ARHGAP22: variants seen among roughly 807,000 people sequenced by gnomAD.
ARHGAP22 encodes the protein Rho GTPase activating protein 22.
In ARHGAP22, 48 loss-of-function variants were observed where a neutral mutation model predicts 59.1. The ratio of observed to expected loss-of-function variants is 0.81; its 90% CI spans 0.64 to 1.03. The LOEUF is 1.03. ARHGAP22 is among the 50% of genes least tolerant of loss of function. ARHGAP22 has a pLI of 0.00. For synonymous variants in ARHGAP22, 445 were observed against 416.4 expected (o/e 1.07, Z -0.84); for missense variants, 1,015 against 958.7 (o/e 1.06, Z -0.78).
chr10:48,586,110 T>C (rs1034562197), intron 1 of ARHGAP22, among the ~76,000 whole-genome samples: 1 of 152,208 alleles, frequency 6.6e-6, no homozygotes, highest in Non-Finnish European at 1.5e-5. Context: ...TTTATATCTA[T>C]GGCTGGTTAT....
chr10:48,493,602 C>A, intron 3 of ARHGAP22: 1 of 1,474,524 alleles, frequency 6.8e-7, no homozygotes, highest in Admixed American at 2.2e-5. Flanking sequence ...GCTGCGGCCA[C>A]TCGGCTGCCT....
intron 3 of ARHGAP22, among the ~76,000 whole-genome samples, chr10:48,548,638 T>C (rs2056658015): frequency 6.6e-6 from 1 of 152,194 alleles, no homozygotes. Context: ...CCGCTCCTTG[T>C]GGATTTAAAG....
upstream of ARHGAP22, among the ~76,000 whole-genome samples, chr10:48,606,757 C>A (rs2060692857): frequency 6.6e-6 from 1 of 152,196 alleles, no homozygotes; most frequent in African/African-American, 2.4e-5. Context: ...GCCTTGTCCT[C>A]TTTGGGCAAT....
At chr10:48,465,003 G>A (rs2047509761) in intron 4 of ARHGAP22, among the ~76,000 whole-genome samples, 1 of 152,102 alleles carries the variant, frequency 6.6e-6, no homozygotes, top group Non-Finnish European at 1.5e-5. Context: ...CCCTGTGCTG[G>A]GGCTTCTGGG....
chr10:48,432,805 G>A, the ARHGAP22 span, among the ~76,000 whole-genome samples: 1 of 152,188 alleles, frequency 6.6e-6, no homozygotes, highest in African/African-American at 2.4e-5. Flanking sequence ...AAATAAGTCA[G>A]TGAAAAAGAT....
intron 1 of ARHGAP22, among the ~76,000 whole-genome samples, chr10:48,617,498 A>G (rs1333431774): frequency 2.0e-5 from 3 of 152,070 alleles, no homozygotes; most frequent in Non-Finnish European, 4.4e-5. Context: ...AATTATTTCA[A>G]GTATCTTTTC....
intron 3 of ARHGAP22, among the ~76,000 whole-genome samples, chr10:48,517,632 G>A (rs11101361): frequency 0.19 from 28,679 of 151,986 alleles, 2,918 homozygotes; most frequent in Non-Finnish European, 0.24. Flanking sequence ...AGCCATGAGA[G>A]CCAACCCCCT....
chr10:48,523,025 T>C (rs1045960323), intron 3 of ARHGAP22, among the ~76,000 whole-genome samples: 3 of 152,274 alleles, frequency 2.0e-5, no homozygotes, highest in African/African-American at 7.2e-5. Context: ...TGTACATTGA[T>C]GGCACCATTC....
intron 5 of ARHGAP22, among the ~76,000 whole-genome samples, chr10:48,457,049 A>C (rs1001654500): frequency 3.3e-5 from 5 of 152,042 alleles, no homozygotes; most frequent in African/African-American, 1.2e-4. Context: ...CAGAAAGGGC[A>C]GCAGCTGGTC....
the ARHGAP22 span, among the ~76,000 whole-genome samples, chr10:48,432,719 G>GT: frequency 6.6e-6 from 1 of 152,176 alleles, no homozygotes. Context: ...AATTTCATGA[G>GT]TTAGAGCATT....
At chr10:48,615,778 G>A (rs1408494152) in intron 1 of ARHGAP22, among the ~76,000 whole-genome samples, 1 of 152,078 alleles carries the variant, frequency 6.6e-6, no homozygotes, top group Non-Finnish European at 1.5e-5. Context: ...ATCAAGTACT[G>A]AACTTCGATA....
chr10:48,518,073 G>A (rs962985791), intron 3 of ARHGAP22, among the ~76,000 whole-genome samples: 1 of 152,138 alleles, frequency 6.6e-6, no homozygotes, highest in East Asian at 1.9e-4. Flanking sequence ...AACCCCCAGG[G>A]CTGCTGTGCA....
intron 1 of ARHGAP22, among the ~76,000 whole-genome samples, chr10:48,649,025 C>A (rs927911640): frequency 2.0e-5 from 3 of 152,116 alleles, no homozygotes; most frequent in African/African-American, 7.2e-5. Flanking sequence ...TTGCAAAGAT[C>A]CAGGTGAGAG....
At chr10:48,455,678 C>G (rs940277868) in intron 5 of ARHGAP22, among the ~76,000 whole-genome samples, 5 of 152,230 alleles carry the variant, frequency 3.3e-5, no homozygotes, top group Admixed American at 6.5e-5. Context: ...GCGGTAGGAA[C>G]AGCTATCCTG....
At chr10:48,518,203 C>A (rs4838611) in intron 3 of ARHGAP22, among the ~76,000 whole-genome samples, 34,828 of 151,988 alleles carry the variant, frequency 0.23, 4,104 homozygotes, top group South Asian at 0.33. Context: ...TCGACCACAT[C>A]CCAGCATGTG....
At chr10:48,656,137 C>T (rs578067619), upstream of ARHGAP22, 1 of 152,312 alleles carries the variant, frequency 6.6e-6, no homozygotes, top group Non-Finnish European at 1.5e-5. Context: ...CTCCTTTAGC[C>T]CCGCAGGCTC....
intron 1 of ARHGAP22, among the ~76,000 whole-genome samples, chr10:48,620,514 A>G (rs1399494466): frequency 2.0e-5 from 3 of 152,306 alleles, no homozygotes; most frequent in Admixed American, 6.5e-5. Context: ...TCAACTGGCC[A>G]TGGAAATCAT....
At position 48,572,480 on chromosome 10, in the gene ARHGAP22, G is replaced by A. The variant is rs182919236; in HGVS notation, c.234+10473C>T. On this transcript the variant is annotated intron_variant, in intron 2 of 9. Coordinates refer to ENST00000249601, the MANE Select transcript of ARHGAP22 (RefSeq NM_021226.4). ...GTTAACAAGAGGCTGCACACAGAGG[G>A]CCTTCATGTCCCTGCTTCACCTATT... Among the ~76,000 whole-genome samples the A allele has an allele frequency of 5.0e-3, 768 of 152,312 alleles. 3 individuals are homozygous for A. Among genetic ancestry groups the A allele is most frequent in the Admixed American group, 5.0e-3 (76 of 15,302 alleles).
rs569187823 is a variant in ARHGAP22 at position 48,540,247 on chromosome 10, A to G, written c.322+15216T>C. On this transcript the variant is annotated intron_variant, in intron 3 of 9. Coordinates refer to ENST00000249601, the MANE Select transcript of ARHGAP22 (RefSeq NM_021226.4). ...CCCATAGAGATCAGGCAGGTAAGATAAACTGAAAAAGCAGCTTTTGCTCTT... is the reference window on the plus strand; with the variant it reads ...CCCATAGAGATCAGGCAGGTAAGATGAACTGAAAAAGCAGCTTTTGCTCTT... Among the ~76,000 whole-genome samples, 4 of 152,368 alleles carry G rather than the reference A, an allele frequency of 2.6e-5. No individual in the cohort carries two copies. The South Asian group carries it at 8.3e-4, about 32-fold the overall frequency.
Sources: allele counts gnomAD v4.1 joint callset (sites outside exome capture counted in the v4.1 genomes callset), GRCh38; gene constraint gnomAD v4.1.1; transcripts MANE v1.5; gene names NCBI Gene and HGNC (gene_info 2026-07-23, HGNC 2026-07-21).